Variants in MICU1 observed in about 807,000 individuals in gnomAD.
The protein encoded by MICU1 is calcium uptake protein 1, mitochondrial.
MICU1 carries 45 observed loss-of-function variants against 56.8 expected under a neutral mutation model. That is an observed-to-expected ratio of 0.79 (90% CI 0.62 to 1.02). MICU1 has a LOEUF of 1.02. MICU1 is among the 50% of genes least tolerant of loss of function. The pLI is 0.00. For missense variants in MICU1, 504 were observed against 587.1 expected, an observed-to-expected ratio of 0.86 and a Z score of 1.46; for synonymous variants, 186 against 195.1, an observed-to-expected ratio of 0.95 and a Z score of 0.39.
intron 4 of MICU1, among the ~76,000 whole-genome samples, chr10:72,547,499 A>G (rs1839924914): frequency 6.7e-6 from 1 of 150,110 alleles, no homozygotes; most frequent in Admixed American, 6.7e-5. Context: ...CATCACTATC[A>G]ATCAATACAT....
chr10:72,448,555 A>T (rs1257231683), intron 8 of MICU1, among the ~76,000 whole-genome samples: 1 of 152,106 alleles, frequency 6.6e-6, no homozygotes, highest in Non-Finnish European at 1.5e-5. Context: ...ATTGGAACAC[A>T]ATATATAGAA....
chr10:72,418,034 A>G (rs1864040829), intron 9 of MICU1, among the ~76,000 whole-genome samples: 1 of 152,164 alleles, frequency 6.6e-6, no homozygotes, highest in African/African-American at 2.4e-5. Flanking sequence ...AGGAAGAAGA[A>G]TGAGTGCCTG....
At chr10:72,476,939 C>T (rs938297703) in intron 7 of MICU1, among the ~76,000 whole-genome samples, 4 of 152,158 alleles carry the variant, frequency 2.6e-5, no homozygotes, top group East Asian at 1.9e-4. Flanking sequence ...GTTGGAGAAT[C>T]GGAGCAACCG....
At chr10:72,454,801 AAAAACAAAAAATAT>A (rs1865408859) in intron 8 of MICU1, among the ~76,000 whole-genome samples, 1 of 151,844 alleles carries the variant, frequency 6.6e-6, no homozygotes. Context: ...AAAAAAAACA[AAAAACAAAAAATAT>A]AAAACAAAAA....
intron 7 of MICU1, among the ~76,000 whole-genome samples, chr10:72,476,953 C>G (rs1866143743): frequency 6.6e-6 from 1 of 152,108 alleles, no homozygotes; most frequent in African/African-American, 2.4e-5. Context: ...GCAACCGTGA[C>G]CTTAACGGTA....
intron 3 of MICU1, among the ~76,000 whole-genome samples, chr10:72,558,189 C>T (rs986214639): frequency 2.4e-4 from 37 of 152,164 alleles, no homozygotes; most frequent in African/African-American, 8.7e-4. Flanking sequence ...AGTACAGAAA[C>T]GACAGTGGGA....
At chr10:72,419,747 A>T (rs753254578) in intron 9 of MICU1, among the ~76,000 whole-genome samples, 69 of 152,160 alleles carry the variant, frequency 4.5e-4, no homozygotes, top group Non-Finnish European at 8.4e-4. Flanking sequence ...GAGGCCAGTA[A>T]GGTTAAGTGA....
At chr10:72,377,490 T>C (rs1240982133) in intron 10 of MICU1, among the ~76,000 whole-genome samples, 1 of 152,108 alleles carries the variant, frequency 6.6e-6, no homozygotes, top group African/African-American at 2.4e-5. Flanking sequence ...CAGCAAAAAA[T>C]CACTTTTCTC....
intron 9 of MICU1, among the ~76,000 whole-genome samples, chr10:72,412,934 T>A (rs1414943688): frequency 6.6e-6 from 1 of 150,876 alleles, no homozygotes; most frequent in Non-Finnish European, 1.5e-5. Context: ...CAGTGGCTCA[T>A]GCCTGTAATC....
intron 8 of MICU1, among the ~76,000 whole-genome samples, chr10:72,464,732 A>G (rs1182148825): frequency 6.6e-6 from 1 of 152,202 alleles, no homozygotes; most frequent in African/African-American, 2.4e-5. Context: ...TAGTATTTTC[A>G]GTTTGACTTT....
intron 11 of MICU1, among the ~76,000 whole-genome samples, chr10:72,368,932 G>A (rs1162418175): frequency 2.0e-5 from 3 of 152,180 alleles, no homozygotes; most frequent in African/African-American, 7.2e-5. Flanking sequence ...CAAGTAGGCA[G>A]TTAGGTATTG....
chr10:72,515,709 C>G (rs1437301936), intron 5 of MICU1, among the ~76,000 whole-genome samples: 2 of 152,180 alleles, frequency 1.3e-5, no homozygotes, highest in Admixed American at 1.3e-4. Context: ...ATATCTATGT[C>G]ATCTAGAGTC....
In MICU1 at chr10:72,368,320, T is replaced by C. The variant is rs1328840086; in HGVS notation, c.1306A>G (p.Ile436Val). The change falls in exon 12 of 12, where the codon ATC becomes GTC. Residue 436 changes from isoleucine (I) to valine (V), a missense_variant. Coordinates refer to ENST00000361114, the MANE Select transcript of MICU1 (RefSeq NM_001195518.2). ...GELSNKEFVSIMKQRLMRGLE... is the reference protein window; with the variant it reads ...GELSNKEFVSVMKQRLMRGLE... The stretch of plus-strand genomic sequence containing the variant: ...CCTCTCATCAGCCGTTGCTTCATGA[T>C]GGAAACAAATTCCTTATTGCTCAGT... The C allele has an allele frequency of 1.9e-6, 3 of 1,613,896 alleles. No homozygotes were observed. Among genetic ancestry groups the C allele is most frequent in the African/African-American group, 2.7e-5 (2 of 74,942 alleles).
At chr10:72,497,390 CA>C (rs1400333672) in intron 6 of MICU1, among the ~76,000 whole-genome samples, 1 of 152,074 alleles carries the variant, frequency 6.6e-6, no homozygotes, top group Admixed American at 6.6e-5. Flanking sequence ...GTTCCAGAAG[CA>C]GGTTAAGCAA....
chr10:72,499,712 G>A (rs1189187555), intron 6 of MICU1, among the ~76,000 whole-genome samples: 1 of 152,156 alleles, frequency 6.6e-6, no homozygotes, highest in South Asian at 2.1e-4. Flanking sequence ...AGAAGGATTT[G>A]TAACTGCTTT....
In MICU1 at chr10:72,440,394, T is replaced by C. The variant is rs573461816; in HGVS notation, c.934-17023A>G. On this transcript the variant is annotated intron_variant, in intron 8 of 11. Coordinates refer to ENST00000361114, the MANE Select transcript of MICU1 (RefSeq NM_001195518.2). Reference sequence around the variant, plus strand: ...CCTTCCTTATACCTTATACAAAAATTAATTCAAGATGGATTAAAGACTTAA... The same window carrying C: ...CCTTCCTTATACCTTATACAAAAATCAATTCAAGATGGATTAAAGACTTAA... 1.9e-4 allele frequency among the ~76,000 whole-genome samples: 29 copies of C among 152,224 alleles called. 1 individual carries two copies. The South Asian group carries it at 4.6e-3, about 24-fold the overall frequency.
At chr10:72,458,073 AGGAGAGTCGCTTGAACCT>A (rs1187886703) in intron 8 of MICU1, among the ~76,000 whole-genome samples, 1 of 151,938 alleles carries the variant, frequency 6.6e-6, no homozygotes, top group Non-Finnish European at 1.5e-5. Flanking sequence ...AGGCTGAGGC[AGGAGAGTCGCTTGAACCT>A]GGGAGGCGGA....
chr10:72,376,932 G>A (rs1458795159), intron 10 of MICU1, among the ~76,000 whole-genome samples: 2 of 151,590 alleles, frequency 1.3e-5, no homozygotes, highest in Non-Finnish European at 2.9e-5. Flanking sequence ...TGGGAACAAG[G>A]AGGCTTGTCT....
chr10:72,487,259 C>T (rs1165724037), intron 6 of MICU1, among the ~76,000 whole-genome samples: 2 of 152,174 alleles, frequency 1.3e-5, no homozygotes, highest in East Asian at 3.9e-4. Context: ...CAGCCAACAC[C>T]ACAGACATCT....
Sources: gnomAD v4.1 joint callset for allele counts (sites outside exome capture counted in the v4.1 genomes callset) on GRCh38, gnomAD v4.1.1 for gene constraint, MANE v1.5 for transcripts, NCBI Gene and HGNC (gene_info 2026-07-23, HGNC 2026-07-21) for gene names.